MAP4K5: variants seen among roughly 807,000 people sequenced by gnomAD.
MAP4K5 encodes mitogen-activated protein kinase kinase kinase kinase 5, also known as MAPK/ERK kinase kinase kinase 5.
A neutral mutation model predicts 135.6 loss-of-function variants in MAP4K5; 82 were observed. The observed-to-expected ratio is 0.60, with a 90% CI of 0.51 to 0.73. The LOEUF (loss-of-function observed/expected upper bound fraction) is 0.73, where lower values mean the gene tolerates loss of function less well. Among genes scored for constraint, MAP4K5 ranks in the 30% least tolerant of loss-of-function variants. MAP4K5 has a pLI of 0.00. For synonymous variants in MAP4K5, 347 were observed against 335.0 expected (o/e 1.04, Z -0.39); for missense variants, 907 against 1,010.9 (o/e 0.90, Z 1.39).
chr14:50,490,160 T>TGTGTGTGTGTGTGTGTAA (rs2037453670), intron 3 of MAP4K5, among the ~76,000 whole-genome samples: 1 of 91,370 alleles, frequency 1.1e-5, no homozygotes, highest in Non-Finnish European at 2.1e-5. Context: ...TGTGTGTGTG[T>TGTGTGTGTGTGTGTGTAA]AAGGGAACTC....
chr14:50,435,704 G>A (rs917902558), intron 26 of MAP4K5, among the ~76,000 whole-genome samples: 1 of 151,974 alleles, frequency 6.6e-6, no homozygotes, highest in Admixed American at 6.6e-5. Flanking sequence ...AATGCACCTC[G>A]TTTTGGTATA....
At chr14:50,445,263 A>C (rs2139722941) in intron 17 of MAP4K5, 69 bp from the exon 18 acceptor site, 1 of 1,439,868 alleles carries the variant, frequency 6.9e-7, no homozygotes, top group African/African-American at 1.4e-5. Flanking sequence ...AGGGAAAGGG[A>C]AATGCACCTT....
rs1566670345 is a variant in MAP4K5 at position 50,482,355 on chromosome 14, T to C, written c.378+6A>G. 6.8e-7 allele frequency: 1 copy of C among 1,478,228 alleles called. No homozygotes were observed. Among genetic ancestry groups the C allele is most frequent in the Non-Finnish European group, 9.0e-7 (1 of 1,111,552 alleles). 91.6% of individuals were successfully genotyped at this position (1,478,228 alleles called of 1,614,324 possible). On this transcript the variant is annotated splice_donor_region_variant and intron_variant, in intron 6 of 32. Transcript: ENST00000682126. ...CCTTTCTAACTATATTAAGAAAATA[T>C]AGTACCTGTAAGGTTTCTCTGCATA...
intron 5 of MAP4K5, 59 bp downstream of exon 5, chr14:50,485,519 T>C (rs529995162): frequency 3.4e-5 from 37 of 1,096,764 alleles, no homozygotes; most frequent in Middle Eastern, 4.0e-4. Flanking sequence ...ACTGGAAATA[T>C]CGAACAACAA....
intron 1 of MAP4K5, among the ~76,000 whole-genome samples, chr14:50,555,818 A>G (rs1393480185): frequency 6.6e-6 from 1 of 152,170 alleles, no homozygotes; most frequent in East Asian, 1.9e-4. Context: ...TTTTTTGGTT[A>G]AGCCATTTTG....
At chr14:50,540,215 T>C (rs1449655040) in intron 2 of MAP4K5, among the ~76,000 whole-genome samples, 1 of 152,176 alleles carries the variant, frequency 6.6e-6, no homozygotes, top group African/African-American at 2.4e-5. Flanking sequence ...GATGTTTTGA[T>C]TGCAAGGATA....
intron 3 of MAP4K5, 60 bp downstream of exon 3, chr14:50,504,740 G>C (rs2037774451): frequency 8.3e-7 from 1 of 1,209,934 alleles, no homozygotes; most frequent in Non-Finnish European, 1.2e-6. Flanking sequence ...GGGAAGAAGG[G>C]AAACAAGGAA....
At chr14:50,471,277 T>C (rs1309960488) in intron 9 of MAP4K5, among the ~76,000 whole-genome samples, 1 of 152,146 alleles carries the variant, frequency 6.6e-6, no homozygotes, top group Non-Finnish European at 1.5e-5. Context: ...AAAAAAGTCA[T>C]TTAATTTGTT....
At chr14:50,536,832 C>T (rs549683082), upstream of MAP4K5, among the ~76,000 whole-genome samples, 6 of 152,236 alleles carry the variant, frequency 3.9e-5, no homozygotes, top group African/African-American at 1.4e-4. Flanking sequence ...TTCTAAGCAG[C>T]AAAGCATTCA....
At chr14:50,519,871 A>T (rs1378013387) in intron 2 of MAP4K5, among the ~76,000 whole-genome samples, 1 of 152,196 alleles carries the variant, frequency 6.6e-6, no homozygotes, top group East Asian at 1.9e-4. Flanking sequence ...AAAGGACCCA[A>T]ACATCTCTAG....
At chr14:50,495,798 GC>G (rs1354771629) in intron 3 of MAP4K5, among the ~76,000 whole-genome samples, 1 of 152,174 alleles carries the variant, frequency 6.6e-6, no homozygotes, top group Non-Finnish European at 1.5e-5. Flanking sequence ...AAGTGAAACA[GC>G]CTAGTCAGAA....
intron 30 of MAP4K5, 42 bp downstream of exon 30, chr14:50,428,620 A>G: frequency 9.3e-7 from 1 of 1,075,672 alleles, no homozygotes; most frequent in African/African-American, 1.6e-5. Context: ...TTTAATAATC[A>G]TTAAGTATCG....
intron 29 of MAP4K5, 100 bp from the exon 30 acceptor site, chr14:50,428,854 T>C: frequency 1.4e-6 from 1 of 691,036 alleles, no homozygotes; most frequent in South Asian, 1.9e-5. Context: ...ATAATATTCT[T>C]AATAAAGTTC....
At position 50,477,369 on chromosome 14, in the gene MAP4K5, T is replaced by C. The variant is rs553476550; in HGVS notation, c.379-1063A>G. The stretch of plus-strand genomic sequence containing the variant: ...AATTTATTAGTTCTAGTAGCTACTT[T>C]GTAGATTTTATTCCATTTTCTACAC... On this transcript the variant is annotated intron_variant, in intron 6 of 32. Coordinates refer to ENST00000682126, the MANE Select transcript of MAP4K5 (RefSeq NM_006575.6). Among the ~76,000 whole-genome samples the C allele has an allele frequency of 1.2e-4, 19 of 152,356 alleles. 1 individual carries two copies. The highest frequency in any genetic ancestry group is 3.4e-3 in the Middle Eastern group (1 of 294).
intron 32 of MAP4K5, among the ~76,000 whole-genome samples, chr14:50,422,560 A>G (rs976076204): frequency 5.9e-5 from 9 of 152,108 alleles, no homozygotes; most frequent in Non-Finnish European, 7.4e-5. Flanking sequence ...GTTGAGCGAC[A>G]GAGTGAGACC....
In MAP4K5 at chr14:50,471,422, T is replaced by C. The variant is rs547955710; in HGVS notation, c.543-2640A>G. Among the ~76,000 whole-genome samples the C allele has an allele frequency of 2.6e-5, 4 of 152,292 alleles. No individual in the cohort carries two copies. The East Asian group carries it at 7.7e-4, about 29-fold the overall frequency. On this transcript the variant is annotated intron_variant, in intron 9 of 32. Transcript: ENST00000682126. Reference sequence around the variant, plus strand: ...ATGACCTGCAGGCCACTACATGATGTAAGAAACATGAGAAAACATTTAAAT... The same window carrying C: ...ATGACCTGCAGGCCACTACATGATGCAAGAAACATGAGAAAACATTTAAAT...
At chr14:50,459,533 G>C (rs1433775463) in intron 13 of MAP4K5, among the ~76,000 whole-genome samples, 2 of 152,056 alleles carry the variant, frequency 1.3e-5, no homozygotes, top group African/African-American at 4.8e-5. Flanking sequence ...TGCACATTTT[G>C]ATTATGTCAC....
chr14:50,487,492 C>G (rs2037390679), intron 3 of MAP4K5, among the ~76,000 whole-genome samples: 1 of 152,188 alleles, frequency 6.6e-6, no homozygotes, highest in Non-Finnish European at 1.5e-5. Context: ...GTACAATCTT[C>G]TAACTGAATG....
chr14:50,441,773 CACACACACACACACACACACACACAT>C lies in MAP4K5; in HGVS notation c.1564+933_1564+958del, dbSNP rs1294572645. ...ACACACACACACACACACACACACACACACACACACACACACACACACACATATATATACCCCCTCTGTCATACTTT... is the reference window on the plus strand; with the variant it reads ...ACACACACACACACACACACACACACATATATACCCCCTCTGTCATACTTT... On this transcript the variant is annotated intron_variant, in intron 21 of 32. Coordinates refer to ENST00000682126, the MANE Select transcript of MAP4K5 (RefSeq NM_006575.6). 5.2e-3 allele frequency among the ~76,000 whole-genome samples: 762 copies of C among 146,338 alleles called. 9 individuals are homozygous for C. Among genetic ancestry groups the C allele is most frequent in the African/African-American group, 0.019 (714 of 37,012 alleles).
Sources: gnomAD v4.1 joint callset for allele counts (sites outside exome capture counted in the v4.1 genomes callset) on GRCh38, gnomAD v4.1.1 for gene constraint, MANE v1.5 for transcripts, NCBI Gene and HGNC (gene_info 2026-07-23, HGNC 2026-07-21) for gene names.